Variants in SENP7 observed in about 807,000 individuals in gnomAD.
SENP7 encodes SUMO specific peptidase 7, also known as sentrin-specific protease 7.
In SENP7, 64 loss-of-function variants were observed where a neutral mutation model predicts 141.2. That is an observed-to-expected ratio of 0.45 (90% CI 0.37 to 0.56). SENP7 has a LOEUF of 0.56. SENP7 is among the 20% of genes least tolerant of loss of function. The pLI, the probability that SENP7 is intolerant of heterozygous loss-of-function variation, is 0.00. For missense variants in SENP7, 1,025 were observed against 1,212.2 expected (o/e 0.85, Z 2.29); for synonymous variants, 382 against 426.4 (o/e 0.90, Z 1.28).
At chr3:101,468,076 G>A (rs2063830540) in intron 3 of SENP7, among the ~76,000 whole-genome samples, 1 of 152,156 alleles carries the variant, frequency 6.6e-6, no homozygotes, top group Non-Finnish European at 1.5e-5. Flanking sequence ...AGCTTCGATA[G>A]ACAATTCAGT....
At chr3:101,486,706 C>T (rs894441012) in intron 3 of SENP7, among the ~76,000 whole-genome samples, 2 of 151,946 alleles carry the variant, frequency 1.3e-5, no homozygotes, top group African/African-American at 2.4e-5. Flanking sequence ...AGTTAAAAAG[C>T]AAAAACAAAA....
chr3:101,471,783 A>G (rs1226307079), intron 3 of SENP7, among the ~76,000 whole-genome samples: 1 of 152,206 alleles, frequency 6.6e-6, no homozygotes, highest in Non-Finnish European at 1.5e-5. Flanking sequence ...CAGAATCTAC[A>G]AAGAACTCAA....
chr3:101,412,541 T>C (rs1294000343), intron 5 of SENP7, among the ~76,000 whole-genome samples: 1 of 152,098 alleles, frequency 6.6e-6, no homozygotes, highest in Non-Finnish European at 1.5e-5. Context: ...CTGGAATACG[T>C]AATTCTTTTT....
chr3:101,375,023 A>C (rs1452213842), intron 6 of SENP7, among the ~76,000 whole-genome samples: 1 of 152,180 alleles, frequency 6.6e-6, no homozygotes, highest in African/African-American at 2.4e-5. Context: ...CAACGTCACT[A>C]ATCACTAAGG....
At chr3:101,375,324 C>A (rs1284262131) in intron 6 of SENP7, among the ~76,000 whole-genome samples, 1 of 151,836 alleles carries the variant, frequency 6.6e-6, no homozygotes, top group East Asian at 1.9e-4. Context: ...GGGCGGATCA[C>A]CTGAGGTCGA....
At chr3:101,363,553 A>T (rs1377631488) in intron 10 of SENP7, among the ~76,000 whole-genome samples, 2 of 152,226 alleles carry the variant, frequency 1.3e-5, no homozygotes, top group African/African-American at 4.8e-5. Flanking sequence ...TTGTCAATTT[A>T]TACCCTGCCA....
chr3:101,482,456 G>A (rs569543756), intron 3 of SENP7, among the ~76,000 whole-genome samples: 51 of 152,156 alleles, frequency 3.4e-4, no homozygotes, highest in Non-Finnish European at 5.3e-4. Context: ...TCATGGATAA[G>A]AAGAGTCAAT....
At chr3:101,380,445 C>CCCCCACACACA (rs58844573) in intron 6 of SENP7, among the ~76,000 whole-genome samples, 3 of 128,826 alleles carry the variant, frequency 2.3e-5, no homozygotes, top group East Asian at 2.4e-4. Context: ...GCCCCCCCCC[C>CCCCCACACACA]CACACACACA....
rs2059076000 is a variant in SENP7 at position 101,332,206 on chromosome 3, T to C, written c.2574-97A>G. The C allele has an allele frequency of 3.2e-6, 4 of 1,251,964 alleles. No individual in the cohort carries two copies. The African/African-American group carries it at 6.0e-5, about 19-fold the overall frequency. The allele number at this position is 1,251,964 out of a possible 1,614,324, so 77.6% of individuals were successfully genotyped here. On this transcript the variant is annotated intron_variant, in intron 18 of 23. Transcript: ENST00000394095. ...TCTGAGAAAGTGAGAATAAATTTCA[T>C]ATTAATTTTGAAGACATCCACTGTA...
At chr3:101,467,996 T>C (rs936264081) in intron 3 of SENP7, among the ~76,000 whole-genome samples, 9 of 150,240 alleles carry the variant, frequency 6.0e-5, no homozygotes, top group African/African-American at 2.2e-4. Context: ...GAATAAAGAG[T>C]GTAGAGAAGA....
At chr3:101,466,144 G>A (rs1318615417) in intron 3 of SENP7, among the ~76,000 whole-genome samples, 1 of 151,944 alleles carries the variant, frequency 6.6e-6, no homozygotes, top group East Asian at 1.9e-4. Flanking sequence ...ATGCCATAAA[G>A]CGACCAAATA....
At chr3:101,430,090 C>A (rs891386870) in intron 4 of SENP7, among the ~76,000 whole-genome samples, 5 of 151,906 alleles carry the variant, frequency 3.3e-5, no homozygotes, top group Admixed American at 2.0e-4. Flanking sequence ...TCGGTTTGCC[C>A]ATATTTTATT....
chr3:101,343,894 A>G lies in SENP7; in HGVS notation c.1898T>C (p.Leu633Ser). 1.2e-6 allele frequency: 2 copies of G among 1,612,036 alleles called. No individual in the cohort carries two copies. The highest frequency in any genetic ancestry group is 1.7e-6 in the Non-Finnish European group (2 of 1,178,620). ...LHNPVSQREE[L>S]KLKDIMTEIS... ...TTCCGTCATAATATCTTTCAGCTTC[A>G]ATTCTTCTCTTTGTGAAACAGGATT... The change falls in exon 14 of 24, where the codon TTG (leucine) becomes TCG (serine). Residue 633 changes from leucine (L) to serine (S), a missense_variant. By Grantham distance (145) the Leu-to-Ser change is moderately radical. Transcript: ENST00000394095.
chr3:101,372,116 G>T lies in SENP7; in HGVS notation c.688C>A (p.Arg230=). 1.3e-6 allele frequency: 2 copies of T among 1,535,930 alleles called. No homozygotes were observed. The highest frequency in any genetic ancestry group is 1.8e-6 in the Non-Finnish European group (2 of 1,131,254). The change falls in exon 7 of 24, where the codon CGA becomes AGA. Residue 230 remains arginine, a synonymous_variant. Transcript: ENST00000394095. ...SCYLSERGSQ[R]SKTVDDNSAK... ...GAATTGTCATCTACTGTCTTACTTC[G>T]TTGTGAGCCCCTGCAAAAGAGAACT...
intron 11 of SENP7, chr3:101,357,419 C>T: frequency 1.2e-6 from 1 of 860,376 alleles, no homozygotes; most frequent in Non-Finnish European, 1.9e-6. Context: ...CTGTCTGGAA[C>T]AAGGGAAAAA....
At chr3:101,364,292 A>G (rs945972421) in intron 10 of SENP7, among the ~76,000 whole-genome samples, 20 of 150,426 alleles carry the variant, frequency 1.3e-4, no homozygotes, top group Non-Finnish European at 2.2e-4. Flanking sequence ...CTTATTTTAG[A>G]CCTACTCTCT....
At chr3:101,509,119 TGATA>T (rs2065745786) in intron 1 of SENP7, among the ~76,000 whole-genome samples, 1 of 152,106 alleles carries the variant, frequency 6.6e-6, no homozygotes, top group African/African-American at 2.4e-5. Flanking sequence ...ATCTCCTACC[TGATA>T]TATATTCAAT....
chr3:101,404,311 C>G (rs2061236830), intron 5 of SENP7, among the ~76,000 whole-genome samples: 1 of 151,976 alleles, frequency 6.6e-6, no homozygotes, highest in African/African-American at 2.4e-5. Context: ...CAAAAACAAG[C>G]AATGGACAAA....
chr3:101,378,559 G>A (rs1007325981), intron 6 of SENP7, among the ~76,000 whole-genome samples: 4 of 152,042 alleles, frequency 2.6e-5, no homozygotes, highest in African/African-American at 4.8e-5. Flanking sequence ...GAAGAAATGT[G>A]GGACAACTAC....
Sources: gnomAD v4.1 joint callset for allele counts (sites outside exome capture counted in the v4.1 genomes callset) on GRCh38, gnomAD v4.1.1 for gene constraint, MANE v1.5 for transcripts, NCBI Gene and HGNC (gene_info 2026-07-23, HGNC 2026-07-21) for gene names.